Variants in STRN observed in about 807,000 individuals in gnomAD.
STRN encodes striatin, also known as protein phosphatase 2 regulatory subunit B'''alpha.
In STRN, 53 loss-of-function variants were observed where a neutral mutation model predicts 96.3. That is an observed-to-expected ratio of 0.55 (90% CI 0.44 to 0.69). The LOEUF (loss-of-function observed/expected upper bound fraction) is 0.69. Among genes scored for constraint, STRN ranks in the 30% least tolerant of loss-of-function variants. The probability of loss-of-function intolerance (pLI) is 0.00; values close to 1 mark genes in which losing one functional copy is unlikely to be tolerated. For missense variants in STRN, 987 were observed against 963.9 expected (o/e 1.02, Z -0.32); for synonymous variants, 428 against 355.9 (o/e 1.20, Z -2.28).
At chr2:36,956,252 C>T (rs1185437996) in intron 1 of STRN, among the ~76,000 whole-genome samples, 2 of 152,144 alleles carry the variant, frequency 1.3e-5, no homozygotes, top group African/African-American at 4.8e-5. Context: ...AAAAAGCAAA[C>T]CACTTACTGG....
chr2:36,904,567 C>G (rs1669768710), intron 4 of STRN, among the ~76,000 whole-genome samples: 1 of 152,174 alleles, frequency 6.6e-6, no homozygotes. Flanking sequence ...TGGCTCACAC[C>G]TGTAATCCCA....
intron 6 of STRN, among the ~76,000 whole-genome samples, chr2:36,895,056 G>A (rs936596699): frequency 6.6e-6 from 1 of 152,108 alleles, no homozygotes; most frequent in Non-Finnish European, 1.5e-5. Context: ...GGCCGGGCCC[G>A]GTGGCTCATG....
chr2:36,902,139 G>T (rs1218132620), intron 5 of STRN, among the ~76,000 whole-genome samples: 1 of 152,044 alleles, frequency 6.6e-6, no homozygotes, highest in Non-Finnish European at 1.5e-5. Context: ...CTTCAAAATA[G>T]CTACTTAAAA....
At chr2:36,916,364 T>A (rs999780326) in intron 2 of STRN, among the ~76,000 whole-genome samples, 1 of 152,022 alleles carries the variant, frequency 6.6e-6, no homozygotes, top group Non-Finnish European at 1.5e-5. Context: ...TATAACAAAA[T>A]AAAGGAATAA....
intron 1 of STRN, among the ~76,000 whole-genome samples, chr2:36,945,724 C>T (rs1670964678): frequency 6.6e-6 from 1 of 151,876 alleles, no homozygotes; most frequent in African/African-American, 2.4e-5. Flanking sequence ...ACAAATACAG[C>T]AGTGTATCAA....
intron 1 of STRN, among the ~76,000 whole-genome samples, chr2:36,930,859 C>G (rs1364451970): frequency 1.3e-5 from 2 of 151,678 alleles, no homozygotes; most frequent in African/African-American, 2.4e-5. Flanking sequence ...ATGGTAAAAC[C>G]CCCATCTCTA....
At chr2:36,884,120 G>A in intron 8 of STRN, 45 bp from the exon 9 acceptor site, 1 of 1,306,090 alleles carries the variant, frequency 7.7e-7, no homozygotes, top group East Asian at 2.8e-5. Context: ...AAAGAGAAAA[G>A]AGAATTATCC....
At chr2:36,874,717 TAAAA>T (rs35268065) in intron 10 of STRN, among the ~76,000 whole-genome samples, 1 of 86,276 alleles carries the variant, frequency 1.2e-5, no homozygotes, top group African/African-American at 4.8e-5. Context: ...TGTTTAGAGT[TAAAA>T]AAAAAAAAAA....
chr2:36,910,539 CTG>C (rs1267551481), intron 3 of STRN, among the ~76,000 whole-genome samples: 4 of 152,060 alleles, frequency 2.6e-5, no homozygotes, highest in Non-Finnish European at 5.9e-5. Context: ...TGAAGACAGA[CTG>C]TAATAAGTTA....
chr2:36,929,660 G>T (rs959078728), intron 1 of STRN, among the ~76,000 whole-genome samples: 5 of 152,188 alleles, frequency 3.3e-5, no homozygotes, highest in African/African-American at 1.2e-4. Flanking sequence ...TGGGATTACA[G>T]GTGTGAGCCA....
chr2:36,907,524 G>C (rs928662452), intron 3 of STRN, among the ~76,000 whole-genome samples: 1 of 151,962 alleles, frequency 6.6e-6, no homozygotes, highest in Admixed American at 6.5e-5. Context: ...CTCCAGCGTG[G>C]GTGACAGAGC....
chr2:36,906,852 C>T (rs1483526922), intron 3 of STRN, among the ~76,000 whole-genome samples: 5 of 151,696 alleles, frequency 3.3e-5, no homozygotes, highest in Admixed American at 1.3e-4. Flanking sequence ...ACCCAAGAAG[C>T]GGAGGTTGCA....
chr2:36,923,135 C>T (rs1670305741), intron 2 of STRN, among the ~76,000 whole-genome samples: 1 of 145,242 alleles, frequency 6.9e-6, no homozygotes, highest in African/African-American at 2.6e-5. Context: ...AGCAAAACTC[C>T]GTCTGAAAAA....
At chr2:36,897,901 G>A (rs1360584966) in intron 6 of STRN, among the ~76,000 whole-genome samples, 12 of 151,840 alleles carry the variant, frequency 7.9e-5, no homozygotes, top group East Asian at 7.7e-4. Context: ...ATGTTGCCTA[G>A]GCTGGTCCCA....
intron 11 of STRN, among the ~76,000 whole-genome samples, chr2:36,868,745 C>T (rs1668692050): frequency 6.6e-6 from 1 of 152,158 alleles, no homozygotes; most frequent in African/African-American, 2.4e-5. Context: ...TCTCTTAAGC[C>T]AGGCAATAGA....
chr2:36,839,679 A>T lies in STRN; in HGVS notation c.*9777T>A, dbSNP rs1483708305. On this transcript the variant is annotated 3_prime_UTR_variant, in exon 18 of 18. Transcript: ENST00000263918. ...AATAAATGTCCTATTGTCCAGGCCA[A>T]ATTCCTGCTTTCTTCTGTGTTGAAC... Among the ~76,000 whole-genome samples, 1 of 152,176 alleles carries T rather than the reference A, an allele frequency of 6.6e-6. No homozygotes were observed. The highest frequency in any genetic ancestry group is 1.5e-5 in the Non-Finnish European group (1 of 68,028).
intron 14 of STRN, among the ~76,000 whole-genome samples, chr2:36,856,661 C>T (rs1213243617): frequency 2.6e-5 from 4 of 152,076 alleles, no homozygotes; most frequent in Non-Finnish European, 5.9e-5. Context: ...TGGAAAGACA[C>T]GAAGGAACTT....
At position 36,865,656 on chromosome 2, in the gene STRN, G is replaced by A. The variant is rs2540924; in HGVS notation, c.1547+2158C>T. Among the ~76,000 whole-genome samples the A allele has an allele frequency of 7.9e-5, 12 of 152,048 alleles. No homozygotes were observed. The East Asian group carries it at 2.3e-3, about 29-fold the overall frequency. On this transcript the variant is annotated intron_variant, in intron 12 of 17. Transcript: ENST00000263918. Reference sequence around the variant, plus strand: ...GGCTCACTGCAACCTCTGCCTCCTGGGTTCAAGCAATTCTCCTGCCTCAGC... The same window carrying A: ...GGCTCACTGCAACCTCTGCCTCCTGAGTTCAAGCAATTCTCCTGCCTCAGC...
At chr2:36,908,217 T>C (rs1190756717) in intron 3 of STRN, among the ~76,000 whole-genome samples, 2 of 152,208 alleles carry the variant, frequency 1.3e-5, no homozygotes, top group African/African-American at 4.8e-5. Flanking sequence ...TCTGAGGTCA[T>C]TAAATCTCCC....
Sources: allele counts gnomAD v4.1 joint callset (sites outside exome capture counted in the v4.1 genomes callset), GRCh38; gene constraint gnomAD v4.1.1; transcripts MANE v1.5; gene names NCBI Gene and HGNC (gene_info 2026-07-23, HGNC 2026-07-21).